The following NXPH1 variants were observed in gnomAD, a reference collection of about 807,000 sequenced individuals.
NXPH1 encodes the protein neurexophilin-1.
A neutral mutation model predicts 23.7 loss-of-function variants in NXPH1; 5 were observed. The observed-to-expected ratio is 0.21, with a 90% CI of 0.11 to 0.44. The LOEUF (loss-of-function observed/expected upper bound fraction) is 0.44. NXPH1 is among the 20% of genes least tolerant of loss of function. The pLI, the probability that NXPH1 is intolerant of heterozygous loss-of-function variation, is 0.99. For synonymous variants in NXPH1, 144 were observed against 122.2 expected (o/e 1.18, Z -1.18); for missense variants, 324 against 321.6 (o/e 1.01, Z -0.06).
intron 2 of NXPH1, among the ~76,000 whole-genome samples, chr7:8,542,871 T>G (rs1818141905): frequency 2.0e-5 from 3 of 151,570 alleles, no homozygotes; most frequent in South Asian, 2.1e-4. Flanking sequence ...AAAGACTTAT[T>G]CAACAAATAT....
rs563446944 is a variant in NXPH1, at chr7:8,689,245, A to T, written c.55-61763A>T. ...TAGCTGGAAAAAATAAAGTAGCTTC[A>T]CTGAGCCTAGTCTTTTACACAAGTA... On this transcript the variant is annotated intron_variant, in intron 2 of 2. Coordinates refer to ENST00000405863, the MANE Select transcript of NXPH1 (RefSeq NM_152745.3). Among the ~76,000 whole-genome samples, 8 of 152,098 alleles carry T rather than the reference A, an allele frequency of 5.3e-5. No homozygotes were observed. In the South Asian group the frequency reaches 1.7e-3, roughly 32 times the overall value.
chr7:8,737,897 G>C lies in NXPH1; in HGVS notation c.55-13111G>C, dbSNP rs531690165. ...TTCATTAAGTTGATCTTCAATCTCT[G>C]ATATCCTTTCTTCCACTCGGTAGAT... On this transcript the variant is annotated intron_variant, in intron 2 of 2. Coordinates refer to ENST00000405863, the MANE Select transcript of NXPH1 (RefSeq NM_152745.3). Among the ~76,000 whole-genome samples the C allele has an allele frequency of 1.2e-4, 18 of 152,182 alleles. No individual in the cohort carries two copies. In the South Asian group the frequency reaches 2.5e-3, roughly 21 times the overall value.
At chr7:8,519,336 C>A (rs1045566873) in intron 2 of NXPH1, among the ~76,000 whole-genome samples, 1 of 152,118 alleles carries the variant, frequency 6.6e-6, no homozygotes, top group African/African-American at 2.4e-5. Context: ...TAGACAGTCC[C>A]TAAAAGAACT....
chr7:8,599,662 T>G (rs1335838671), intron 2 of NXPH1, among the ~76,000 whole-genome samples: 13 of 152,148 alleles, frequency 8.5e-5, no homozygotes, highest in Non-Finnish European at 1.9e-4. Context: ...CACTTCAATT[T>G]GTACTATTGT....
chr7:8,627,272 C>A (rs537194881), intron 2 of NXPH1, among the ~76,000 whole-genome samples: 1 of 151,894 alleles, frequency 6.6e-6, no homozygotes, highest in Non-Finnish European at 1.5e-5. Context: ...AATGCTCATT[C>A]GGTAAATGAG....
At chr7:8,504,291 A>G (rs1016823073) in intron 2 of NXPH1, among the ~76,000 whole-genome samples, 2 of 152,018 alleles carry the variant, frequency 1.3e-5, no homozygotes, top group Non-Finnish European at 2.9e-5. Flanking sequence ...CTTGAAGACT[A>G]AGGCAATATT....
intron 2 of NXPH1, among the ~76,000 whole-genome samples, chr7:8,609,357 A>G (rs977857977): frequency 6.6e-6 from 1 of 152,214 alleles, no homozygotes; most frequent in African/African-American, 2.4e-5. Flanking sequence ...TAGACGAAGA[A>G]TATAACAATC....
chr7:8,710,603 T>C (rs1387560827), intron 2 of NXPH1, among the ~76,000 whole-genome samples: 1 of 151,682 alleles, frequency 6.6e-6, no homozygotes, highest in African/African-American at 2.4e-5. Flanking sequence ...TTCAGGTTTT[T>C]CTACATGGTT....
intron 2 of NXPH1, among the ~76,000 whole-genome samples, chr7:8,652,882 G>T (rs1327324695): frequency 2.0e-5 from 3 of 152,080 alleles, no homozygotes; most frequent in Non-Finnish European, 4.4e-5. Flanking sequence ...TGTAGCTTAT[G>T]AATTTTTAAG....
intron 2 of NXPH1, among the ~76,000 whole-genome samples, chr7:8,656,468 T>G (rs1422861985): frequency 6.6e-6 from 1 of 151,890 alleles, no homozygotes; most frequent in Non-Finnish European, 1.5e-5. Flanking sequence ...ATGATGCAAC[T>G]TTACTAAAAT....
intron 2 of NXPH1, among the ~76,000 whole-genome samples, chr7:8,630,719 A>G (rs1232302926): frequency 2.0e-5 from 3 of 152,180 alleles, no homozygotes; most frequent in African/African-American, 7.2e-5. Flanking sequence ...AAGATTATGC[A>G]TAATTTGACT....
At chr7:8,669,087 C>T (rs1265723278) in intron 2 of NXPH1, among the ~76,000 whole-genome samples, 1 of 152,178 alleles carries the variant, frequency 6.6e-6, no homozygotes, top group Admixed American at 6.5e-5. Context: ...TATGTTCCAG[C>T]CAATAAATTG....
At chr7:8,452,128 T>C (rs1209956785) in intron 2 of NXPH1, among the ~76,000 whole-genome samples, 1 of 152,180 alleles carries the variant, frequency 6.6e-6, no homozygotes, top group Non-Finnish European at 1.5e-5. Context: ...AAATGGAACT[T>C]TGTCAGTGAT....
chr7:8,655,400 T>TTCTCTCTCTCTCTC (rs869162322), intron 2 of NXPH1, among the ~76,000 whole-genome samples: 2 of 42,860 alleles, frequency 4.7e-5, no homozygotes, highest in Non-Finnish European at 9.6e-5. Context: ...GTCTTTGTCT[T>TTCTCTCTCTCTCTC]TCTCTCTCTC....
chr7:8,658,760 A>G (rs1820620846), intron 2 of NXPH1, among the ~76,000 whole-genome samples: 1 of 152,194 alleles, frequency 6.6e-6, no homozygotes, highest in African/African-American at 2.4e-5. Context: ...TCTAGTAGAA[A>G]AAAAGGTCAA....
At chr7:8,459,933 T>A (rs1816664517) in intron 2 of NXPH1, among the ~76,000 whole-genome samples, 2 of 152,158 alleles carry the variant, frequency 1.3e-5, no homozygotes, top group African/African-American at 4.8e-5. Flanking sequence ...CATGGGTGCT[T>A]AGCCAAACTG....
intron 2 of NXPH1, among the ~76,000 whole-genome samples, chr7:8,661,431 G>A (rs535845668): frequency 6.6e-6 from 1 of 152,034 alleles, no homozygotes; most frequent in Non-Finnish European, 1.5e-5. Flanking sequence ...AAGCTTGTCC[G>A]ACCCACCTTA....
intron 2 of NXPH1, among the ~76,000 whole-genome samples, chr7:8,513,688 G>T (rs542780818): frequency 6.6e-6 from 1 of 152,036 alleles, no homozygotes; most frequent in South Asian, 2.1e-4. Context: ...GGATGAAAAA[G>T]GTAAGGAGGA....
chr7:8,601,855 C>A (rs1050630283), intron 2 of NXPH1, among the ~76,000 whole-genome samples: 15 of 152,150 alleles, frequency 9.9e-5, no homozygotes. Context: ...CGGTAAAATG[C>A]CATCATTTGT....
Sources: allele counts gnomAD v4.1 joint callset (sites outside exome capture counted in the v4.1 genomes callset), GRCh38; gene constraint gnomAD v4.1.1; transcripts MANE v1.5; gene names NCBI Gene and HGNC (gene_info 2026-07-23, HGNC 2026-07-21).